EXD1: variants seen among roughly 807,000 people sequenced by gnomAD.
The protein encoded by EXD1 is piRNA biogenesis protein EXD1.
A neutral mutation model predicts 49.1 loss-of-function variants in EXD1; 63 were observed. The observed-to-expected ratio is 1.28, with a 90% CI of 1.05 to 1.58. The LOEUF (loss-of-function observed/expected upper bound fraction) is 1.58. Among genes scored for constraint, EXD1 ranks in the 40% most tolerant of loss-of-function variants. The pLI is 0.00. For missense variants in EXD1, 748 were observed against 666.0 expected, an observed-to-expected ratio of 1.12 and a Z score of -1.36; for synonymous variants, 234 against 239.2, an observed-to-expected ratio of 0.98 and a Z score of 0.20.
At chr15:41,219,157 A>G (rs962868811) in intron 3 of EXD1, among the ~76,000 whole-genome samples, 1 of 152,190 alleles carries the variant, frequency 6.6e-6, no homozygotes, top group Non-Finnish European at 1.5e-5. Context: ...CACACTGATG[A>G]GCTTCTACAG....
chr15:41,224,473 C>G (rs7178840), intron 2 of EXD1, among the ~76,000 whole-genome samples: 44,261 of 152,004 alleles, frequency 0.29, 9,038 homozygotes, highest in African/African-American at 0.58. Context: ...GAACTTGAAA[C>G]TTATCATGCC....
At chr15:41,199,160 T>C (rs2046666583) in intron 7 of EXD1, among the ~76,000 whole-genome samples, 1 of 152,042 alleles carries the variant, frequency 6.6e-6, no homozygotes, top group African/African-American at 2.4e-5. Flanking sequence ...GATTTTACCA[T>C]GTTGACCAGG....
In EXD1 at chr15:41,184,006, C is replaced by T. The variant is rs181290256; in HGVS notation, c.1644G>A (p.Val548=). 9 of 1,614,032 alleles carry T rather than the reference C, an allele frequency of 5.6e-6. No homozygotes were observed. In the Admixed American group the frequency reaches 6.7e-5, roughly 12 times the overall value. The change falls in exon 12 of 12, where the codon GTG becomes GTA. Residue 548 remains valine (V), a synonymous_variant. Transcript: ENST00000458580. ...CTGGACAGGGAGGGAGTGTGGAAAC[C>T]ACAGTCTTTCTGATAGGATAAAAAG... ...SDTFYPIRKT[V]VSTLPPCPAL...
At chr15:41,191,368 A>G in intron 10 of EXD1, 74 bp downstream of exon 10, 4 of 1,392,950 alleles carry the variant, frequency 2.9e-6, no homozygotes, top group East Asian at 2.3e-5. Context: ...ATTTTTCTAC[A>G]TAACAGGCTG....
At chr15:41,205,198 A>ATTCTGT (rs1490891845) in intron 7 of EXD1, among the ~76,000 whole-genome samples, 2 of 152,122 alleles carry the variant, frequency 1.3e-5, no homozygotes, top group African/African-American at 4.8e-5. Context: ...ACAGAAGGCA[A>ATTCTGT]AGGGAAAATT....
At chr15:41,213,747 G>A (rs971586011) in intron 6 of EXD1, among the ~76,000 whole-genome samples, 1 of 152,122 alleles carries the variant, frequency 6.6e-6, no homozygotes, top group Non-Finnish European at 1.5e-5. Context: ...GGAGTGATTA[G>A]GAGTGATGGA....
chr15:41,224,859 AG>A (rs1254023978), intron 2 of EXD1, among the ~76,000 whole-genome samples: 1 of 152,118 alleles, frequency 6.6e-6, no homozygotes, highest in East Asian at 1.9e-4. Flanking sequence ...GCTACTCAGG[AG>A]GCTGAGGTGG....
At chr15:41,217,520 A>AG (rs1322099579) in intron 3 of EXD1, among the ~76,000 whole-genome samples, 1 of 141,332 alleles carries the variant, frequency 7.1e-6, no homozygotes, top group Non-Finnish European at 1.5e-5. Context: ...GTGCTGTTTG[A>AG]GGGTTTTCCT....
intron 9 of EXD1, among the ~76,000 whole-genome samples, chr15:41,193,323 T>A (rs2046560309): frequency 6.6e-6 from 1 of 152,210 alleles, no homozygotes. Context: ...TCAAGAATTA[T>A]TTTTAGTGGG....
intron 7 of EXD1, among the ~76,000 whole-genome samples, chr15:41,208,330 T>C (rs961939507): frequency 1.4e-5 from 2 of 142,916 alleles, no homozygotes; most frequent in African/African-American, 5.4e-5. Flanking sequence ...GACCAGGAGT[T>C]TGAGACCAGC....
At chr15:41,194,515 C>T (rs2046580494) in intron 9 of EXD1, among the ~76,000 whole-genome samples, 1 of 152,156 alleles carries the variant, frequency 6.6e-6, no homozygotes, top group Non-Finnish European at 1.5e-5. Context: ...AAGAAATCAG[C>T]CCTGCAAGAC....
intron 11 of EXD1, among the ~76,000 whole-genome samples, chr15:41,186,491 C>CA (rs2046410732): frequency 1.2e-5 from 1 of 80,464 alleles, no homozygotes; most frequent in African/African-American, 3.5e-5. Flanking sequence ...AAAAAAAAAT[C>CA]AGAAAAAAAA....
At chr15:41,226,405 T>C (rs2047165170) in intron 2 of EXD1, 38 bp downstream of exon 2, 1 of 1,527,572 alleles carries the variant, frequency 6.5e-7, no homozygotes, top group East Asian at 2.5e-5. Context: ...ATCACTAATC[T>C]CTTAAAAGGC....
chr15:41,189,788 G>A (rs1273442527), intron 11 of EXD1, 149 bp downstream of exon 11: 1 of 663,044 alleles, frequency 1.5e-6, no homozygotes, highest in Non-Finnish European at 2.5e-6. Context: ...TGAGGGGATG[G>A]ATCATGCCCA....
intron 2 of EXD1, among the ~76,000 whole-genome samples, chr15:41,222,752 C>T (rs2047108456): frequency 6.8e-6 from 1 of 147,344 alleles, no homozygotes; most frequent in Non-Finnish European, 1.5e-5. Context: ...TCCTGGCCAA[C>T]ATGGTGAAAC....
chr15:41,202,035 G>A (rs976070479), intron 7 of EXD1, among the ~76,000 whole-genome samples: 1 of 151,794 alleles, frequency 6.6e-6, no homozygotes, highest in African/African-American at 2.4e-5. Context: ...ATCCAAATGG[G>A]TCTAGAAAGC....
In EXD1 at chr15:41,195,663, CAAAAAA is replaced by C. The variant is rs33987701; in HGVS notation, c.720+106_720+111del. 4 of 551,596 alleles carry C rather than the reference CAAAAAA, an allele frequency of 7.3e-6. No homozygotes were observed. The South Asian group carries it at 1.8e-4, about 25-fold the overall frequency. The allele number at this position is 551,596 out of a possible 1,614,324, so 34.2% of individuals were successfully genotyped here. ...TGAAAAGTGAGCAGAAATGGAGCAC[CAAAAAA>C]AAAAAAAAAATTAAAAAGACTTTCA... On this transcript the variant is annotated intron_variant, in intron 9 of 11. Transcript: ENST00000458580.
intron 8 of EXD1, 35 bp from the exon 9 acceptor site, chr15:41,195,890 GGC>G (rs751579040): frequency 1.9e-6 from 3 of 1,609,096 alleles, no homozygotes; most frequent in Middle Eastern, 1.6e-4. Flanking sequence ...ATTAGAACCT[GGC>G]TGCTAATCTT....
rs141995865 is a variant in EXD1 at position 41,201,116 on chromosome 15, T to G, written c.535-5079A>C. Among the ~76,000 whole-genome samples, 217 of 152,152 alleles carry G rather than the reference T, an allele frequency of 1.4e-3. 2 individuals carry two copies. The East Asian group carries it at 0.041, about 29-fold the overall frequency. ...CTCAAGCTCCTAACCTCAGGTGATC[T>G]GCCTGCCTCAGACTCCCAAAGGGCT... On this transcript the variant is annotated intron_variant, in intron 7 of 11. Transcript: ENST00000458580.
Sources: allele counts gnomAD v4.1 joint callset (sites outside exome capture counted in the v4.1 genomes callset), GRCh38; gene constraint gnomAD v4.1.1; transcripts MANE v1.5; gene names NCBI Gene and HGNC (gene_info 2026-07-23, HGNC 2026-07-21).